The following ATP10D variants were observed in gnomAD, a reference collection of about 807,000 sequenced individuals.
The protein encoded by ATP10D is phospholipid-transporting ATPase VD.
ATP10D carries 89 observed loss-of-function variants against 144.8 expected under a neutral mutation model. The observed-to-expected ratio is 0.61, with a 90% CI of 0.52 to 0.73. The LOEUF is 0.73. ATP10D is among the 30% of genes least tolerant of loss of function. ATP10D has a pLI of 0.00. For synonymous variants in ATP10D, 571 were observed against 615.1 expected (o/e 0.93, Z 1.06); for missense variants, 1,603 against 1,714.8 (o/e 0.93, Z 1.15).
At chr4:47,547,088 C>A in intron 10 of ATP10D, 5 of 489,152 alleles carry the variant, frequency 1.0e-5, no homozygotes, top group South Asian at 2.9e-5. Flanking sequence ...TATACCATTT[C>A]TGAAAAAAAA....
chr4:47,514,685 T>C (rs1428025010), intron 2 of ATP10D, among the ~76,000 whole-genome samples: 1 of 152,076 alleles, frequency 6.6e-6, no homozygotes, highest in Non-Finnish European at 1.5e-5. Context: ...CTGAATAGCA[T>C]AAAAGAAGAA....
chr4:47,534,684 TG>T (rs1717747278), intron 5 of ATP10D, among the ~76,000 whole-genome samples: 1 of 152,202 alleles, frequency 6.6e-6, no homozygotes, highest in Non-Finnish European at 1.5e-5. Context: ...AAGTCGAAAA[TG>T]ATAATTTTTA....
intron 14 of ATP10D, among the ~76,000 whole-genome samples, chr4:47,561,890 C>T (rs374646194): frequency 8.5e-5 from 13 of 152,266 alleles, no homozygotes; most frequent in African/African-American, 3.1e-4. Context: ...CTCTGATATA[C>T]CAAGATACCA....
chr4:47,516,911 A>G (rs1716718449), intron 3 of ATP10D, among the ~76,000 whole-genome samples: 1 of 152,232 alleles, frequency 6.6e-6, no homozygotes, highest in Admixed American at 6.5e-5. Context: ...GTAACATTTG[A>G]ATGCTTATTA....
At chr4:47,501,256 T>A (rs528754853) in intron 1 of ATP10D, among the ~76,000 whole-genome samples, 1 of 152,312 alleles carries the variant, frequency 6.6e-6, no homozygotes, top group African/African-American at 2.4e-5. Flanking sequence ...GGAGTTGGGT[T>A]AAAAGTGAGT....
rs1384637575 is a variant in ATP10D, at chr4:47,502,338, G to A, written c.-37-10166G>A. Among the ~76,000 whole-genome samples the A allele has an allele frequency of 4.6e-5, 7 of 152,096 alleles. No homozygotes were observed. In the East Asian group the frequency reaches 1.3e-3, roughly 29 times the overall value. ...TGCAAGAAATTAGCTGGGCGTGGTGGCGGGCGCCTGTAGTTCCAGCTACTC... is the reference window on the plus strand; with the variant it reads ...TGCAAGAAATTAGCTGGGCGTGGTGACGGGCGCCTGTAGTTCCAGCTACTC... On this transcript the variant is annotated intron_variant, in intron 1 of 22. Transcript: ENST00000273859.
At chr4:47,537,067 G>A in intron 9 of ATP10D, 129 bp downstream of exon 9, 3 of 1,099,928 alleles carry the variant, frequency 2.7e-6, no homozygotes, top group Non-Finnish European at 3.8e-6. Flanking sequence ...AATGCTTCCA[G>A]ATGGCCTTTA....
chr4:47,536,180 TA>T, intron 7 of ATP10D, 147 bp downstream of exon 7: 1 of 1,114,676 alleles, frequency 9.0e-7, no homozygotes, highest in Non-Finnish European at 1.3e-6. Context: ...TTTCATCCTT[TA>T]GCCTGAAAAA....
intron 1 of ATP10D, among the ~76,000 whole-genome samples, chr4:47,485,822 CATACACGCATT>C (rs1714724419): frequency 6.7e-4 from 2 of 2,990 alleles, no homozygotes; most frequent in Non-Finnish European, 1.1e-3. Flanking sequence ...CGGGCACGTA[CATACACGCATT>C]CTCACACACC....
chr4:47,585,006 C>T (rs1720717089), intron 21 of ATP10D, among the ~76,000 whole-genome samples: 2 of 152,250 alleles, frequency 1.3e-5, no homozygotes, highest in South Asian at 4.2e-4. Context: ...CCCTAAAAAG[C>T]ATGATATGTG....
chr4:47,543,454 G>T (rs1447193436), intron 9 of ATP10D, among the ~76,000 whole-genome samples: 1 of 152,176 alleles, frequency 6.6e-6, no homozygotes, highest in Admixed American at 6.5e-5. Context: ...CCTGAGCATT[G>T]TAAGATGTTT....
chr4:47,523,094 C>A lies in ATP10D; in HGVS notation c.568C>A (p.Pro190Thr). Reference sequence around the variant, plus strand: ...TCGCCTCTCCTGCAACGAGGTCATCCCTGCAGACATGGTACTACTCTTTTC... The same window carrying A: ...TCGCCTCTCCTGCAACGAGGTCATCACTGCAGACATGGTACTACTCTTTTC... ...FIRLSCNEVI[P>T]ADMVLLFSTD... Residue 190 changes from proline (P) to threonine (T), a missense_variant, in exon 4 of 23, where the codon CCT (proline) becomes ACT (threonine). Transcript: ENST00000273859. The A allele has an allele frequency of 6.2e-7, 1 of 1,613,720 alleles. No homozygotes were observed. The highest frequency in any genetic ancestry group is 8.5e-7 in the Non-Finnish European group (1 of 1,179,818).
chr4:47,548,062 T>G (rs1718531985), intron 10 of ATP10D, among the ~76,000 whole-genome samples: 1 of 152,224 alleles, frequency 6.6e-6, no homozygotes, highest in South Asian at 2.1e-4. Flanking sequence ...TTTATCTTTT[T>G]ATCTATCCTT....
intron 4 of ATP10D, 41 bp from the exon 5 acceptor site, chr4:47,525,516 A>T: frequency 7.1e-7 from 1 of 1,406,920 alleles, no homozygotes; most frequent in Non-Finnish European, 1.0e-6. Flanking sequence ...TTAAGGGTTT[A>T]ACCTTGAATT....
At chr4:47,565,768 C>T (rs1231587582) in intron 15 of ATP10D, among the ~76,000 whole-genome samples, 1 of 151,094 alleles carries the variant, frequency 6.6e-6, no homozygotes, top group Non-Finnish European at 1.5e-5. Flanking sequence ...TACACTTATA[C>T]CCTTAAATTT....
chr4:47,551,150 T>C (rs1718713768), intron 10 of ATP10D, among the ~76,000 whole-genome samples: 1 of 152,178 alleles, frequency 6.6e-6, no homozygotes, highest in Non-Finnish European at 1.5e-5. Context: ...TGAGCAAAGT[T>C]GCAAGCCCCG....
chr4:47,566,526 G>A (rs140149456), intron 15 of ATP10D, among the ~76,000 whole-genome samples: 3 of 152,116 alleles, frequency 2.0e-5, no homozygotes, highest in Non-Finnish European at 4.4e-5. Context: ...TAAATTATCT[G>A]TTTTATAACC....
chr4:47,516,565 T>C (rs1366877253), intron 3 of ATP10D, among the ~76,000 whole-genome samples: 1 of 152,184 alleles, frequency 6.6e-6, no homozygotes, highest in Non-Finnish European at 1.5e-5. Context: ...GAGGAAAATG[T>C]TAGGAAAGGC....
At chr4:47,495,898 T>C (rs1318470164) in intron 1 of ATP10D, among the ~76,000 whole-genome samples, 6 of 151,078 alleles carry the variant, frequency 4.0e-5, no homozygotes, top group East Asian at 2.0e-4. Flanking sequence ...CCACCGCGCC[T>C]GGCTAATTTT....
Sources: gnomAD v4.1 joint callset for allele counts (sites outside exome capture counted in the v4.1 genomes callset) on GRCh38, gnomAD v4.1.1 for gene constraint, MANE v1.5 for transcripts, NCBI Gene and HGNC (gene_info 2026-07-23, HGNC 2026-07-21) for gene names.